The following RELN variants were observed in gnomAD, a reference collection of about 807,000 sequenced individuals.
The protein encoded by RELN is reelin.
RELN carries 108 observed loss-of-function variants against 427.6 expected under a neutral mutation model. That is an observed-to-expected ratio of 0.25 (90% CI 0.22 to 0.30). The LOEUF (loss-of-function observed/expected upper bound fraction) is 0.30. Ranked by LOEUF, RELN falls within the 10% of genes least tolerant of loss-of-function variation. The pLI, the probability that RELN is intolerant of heterozygous loss-of-function variation, is 1.00. For synonymous variants in RELN, 1,524 were observed against 1,513.4 expected (o/e 1.01, Z -0.16); for missense variants, 3,715 against 4,302.8 (o/e 0.86, Z 3.82).
chr7:103,907,995 T>A (rs1008114652), intron 2 of RELN, among the ~76,000 whole-genome samples: 2 of 151,992 alleles, frequency 1.3e-5, no homozygotes, highest in Admixed American at 1.3e-4. Flanking sequence ...GTGACGTTCC[T>A]CTCCCTGTGT....
intron 36 of RELN, among the ~76,000 whole-genome samples, chr7:103,560,018 A>G (rs1432244989): frequency 1.3e-5 from 2 of 152,248 alleles, no homozygotes; most frequent in Non-Finnish European, 2.9e-5. Context: ...GAAAGTGAGC[A>G]TGATTTGTAA....
At chr7:103,525,251 GCTATTCTCT>G (rs1308482997) in intron 46 of RELN, among the ~76,000 whole-genome samples, 1 of 152,068 alleles carries the variant, frequency 6.6e-6, no homozygotes, top group African/African-American at 2.4e-5. Context: ...TTTCTTCCAT[GCTATTCTCT>G]CTCATAGCAA....
At chr7:103,754,929 G>T (rs956501854) in intron 4 of RELN, among the ~76,000 whole-genome samples, 1 of 152,114 alleles carries the variant, frequency 6.6e-6, no homozygotes, top group African/African-American at 2.4e-5. Context: ...AGAGTTGAAG[G>T]AGAGGCCAAA....
chr7:103,682,521 G>C (rs1211403354), intron 10 of RELN, among the ~76,000 whole-genome samples: 2 of 152,178 alleles, frequency 1.3e-5, no homozygotes, highest in African/African-American at 4.8e-5. Context: ...TATGAAACAA[G>C]AGTATTTCAA....
intron 2 of RELN, among the ~76,000 whole-genome samples, chr7:103,887,173 G>A (rs528324627): frequency 6.6e-6 from 1 of 152,208 alleles, no homozygotes; most frequent in Non-Finnish European, 1.5e-5. Flanking sequence ...CTGAAATAGA[G>A]TTTGGGGGAA....
At chr7:103,943,304 C>T (rs1309858358) in intron 1 of RELN, among the ~76,000 whole-genome samples, 1 of 152,068 alleles carries the variant, frequency 6.6e-6, no homozygotes, top group Non-Finnish European at 1.5e-5. Flanking sequence ...GTGACAGCTG[C>T]CCTGAGCCGG....
chr7:103,596,348 T>C (rs1831536646), intron 25 of RELN, 108 bp downstream of exon 25: 2 of 919,598 alleles, frequency 2.2e-6, no homozygotes, highest in Admixed American at 1.9e-5. Flanking sequence ...TAAATTTTTA[T>C]AGGTTTGTCT....
rs752566456 is a variant in RELN, at chr7:103,833,561, G to A, written c.449C>T (p.Ala150Val). 2.5e-5 allele frequency: 40 copies of A among 1,614,028 alleles called. No homozygotes were observed. The highest frequency in any genetic ancestry group is 5.3e-5 in the African/African-American group (4 of 75,038). ...CATGAAATTCACACAGCCTGTGCCC[G>A]CAGGTGGAGCAATCCAGATGAAACT... Reference protein sequence around the residue: ...NLSFIWIAPPAGTGCVNFMAT... With the variant: ...NLSFIWIAPPVGTGCVNFMAT... Residue 150 changes from alanine to valine, a missense_variant, in exon 3 of 65, where the codon GCG becomes GTG. Coordinates refer to ENST00000428762, the MANE Select transcript of RELN (RefSeq NM_005045.4).
chr7:103,696,608 C>T (rs1489760934), intron 10 of RELN, among the ~76,000 whole-genome samples: 2 of 152,140 alleles, frequency 1.3e-5, no homozygotes, highest in South Asian at 4.1e-4. Context: ...ATGTCCCCAA[C>T]CTTTTCTGTT....
chr7:103,855,519 G>C (rs1348695913), intron 2 of RELN, among the ~76,000 whole-genome samples: 1 of 152,178 alleles, frequency 6.6e-6, no homozygotes, highest in Non-Finnish European at 1.5e-5. Flanking sequence ...GCATGAGAAG[G>C]GCAAGGATTC....
intron 58 of RELN, 95 bp from the exon 59 acceptor site, chr7:103,490,924 A>G: frequency 8.1e-7 from 1 of 1,232,270 alleles, no homozygotes; most frequent in Non-Finnish European, 1.2e-6. Flanking sequence ...TTAAATTAAA[A>G]TATTTGTATA....
chr7:103,776,484 C>G, intron 4 of RELN, 73 bp downstream of exon 4: 6 of 1,453,780 alleles, frequency 4.1e-6, no homozygotes, highest in Non-Finnish European at 5.8e-6. Context: ...GAAATGCTTA[C>G]TTGGTACATA....
chr7:103,702,530 A>T (rs1168484427), intron 8 of RELN, among the ~76,000 whole-genome samples: 1 of 152,226 alleles, frequency 6.6e-6, no homozygotes, highest in Non-Finnish European at 1.5e-5. Flanking sequence ...CATCAAAATA[A>T]AAATGAGTCT....
chr7:103,983,863 CTGTGTGTGTG>C (rs59702742), intron 1 of RELN, among the ~76,000 whole-genome samples: 6 of 148,426 alleles, frequency 4.0e-5, no homozygotes, highest in Non-Finnish European at 6.0e-5. Context: ...CTTCATATTT[CTGTGTGTGTG>C]TGTGTGTGTG....
intron 34 of RELN, 32 bp downstream of exon 34, chr7:103,565,246 G>A (rs745908153): frequency 2.5e-6 from 4 of 1,612,738 alleles, no homozygotes; most frequent in Non-Finnish European, 1.7e-6. Context: ...GGCACCCAAA[G>A]TTCTGACATG....
chr7:103,928,944 T>C (rs1293437141), intron 1 of RELN, among the ~76,000 whole-genome samples: 2 of 152,210 alleles, frequency 1.3e-5, no homozygotes, highest in Admixed American at 1.3e-4. Context: ...GGCAGGTATA[T>C]GTTTAAAGAA....
At chr7:103,589,507 G>C in intron 28 of RELN, 89 bp downstream of exon 28, 2 of 875,210 alleles carry the variant, frequency 2.3e-6, no homozygotes, top group South Asian at 2.8e-5. Flanking sequence ...TCGGGGTTTT[G>C]ATCTTTCAGG....
intron 2 of RELN, among the ~76,000 whole-genome samples, chr7:103,861,801 G>A (rs1464590784): frequency 6.6e-6 from 1 of 152,104 alleles, no homozygotes; most frequent in African/African-American, 2.4e-5. Flanking sequence ...AGAAGATGAG[G>A]AAGTGAAATT....
intron 2 of RELN, among the ~76,000 whole-genome samples, chr7:103,874,660 G>C (rs1330468147): frequency 6.8e-6 from 1 of 147,838 alleles, no homozygotes; most frequent in African/African-American, 2.4e-5. Context: ...GGGATGTGAA[G>C]GACCTCTTCA....
Sources: allele counts gnomAD v4.1 joint callset (sites outside exome capture counted in the v4.1 genomes callset), GRCh38; gene constraint gnomAD v4.1.1; transcripts MANE v1.5; gene names NCBI Gene and HGNC (gene_info 2026-07-23, HGNC 2026-07-21).